The following TMX3 variants were observed in gnomAD, a reference collection of about 807,000 sequenced individuals.
TMX3 encodes the protein thioredoxin related transmembrane protein 3, also known as protein disulfide-isomerase TMX3.
A neutral mutation model predicts 64.4 loss-of-function variants in TMX3; 40 were observed. That is an observed-to-expected ratio of 0.62 (90% CI 0.48 to 0.81). The LOEUF (loss-of-function observed/expected upper bound fraction) is 0.81, where lower values mean the gene tolerates loss of function less well. Among genes scored for constraint, TMX3 ranks in the 30% least tolerant of loss-of-function variants. The pLI is 0.00. For synonymous variants in TMX3, 189 were observed against 175.7 expected (o/e 1.08, Z -0.60); for missense variants, 497 against 534.5 (o/e 0.93, Z 0.69).
chr18:68,693,871 G>C (rs780577664), intron 8 of TMX3, among the ~76,000 whole-genome samples: 6 of 152,052 alleles, frequency 3.9e-5, no homozygotes. Flanking sequence ...CAAGTGGATC[G>C]TGCCTTTTCC....
At chr18:68,698,233 A>C (rs1392956771) in intron 6 of TMX3, among the ~76,000 whole-genome samples, 2 of 152,234 alleles carry the variant, frequency 1.3e-5, no homozygotes, top group Non-Finnish European at 2.9e-5. Context: ...AGGTTAATAT[A>C]GTACCCACAA....
At chr18:68,694,384 C>T (rs111552754) in intron 8 of TMX3, among the ~76,000 whole-genome samples, 2 of 152,216 alleles carry the variant, frequency 1.3e-5, no homozygotes, top group African/African-American at 2.4e-5. Context: ...ACTTGCAGTA[C>T]ATCTGGTCCA....
chr18:68,686,432 T>C (rs1036203762), intron 10 of TMX3, among the ~76,000 whole-genome samples: 2 of 152,170 alleles, frequency 1.3e-5, no homozygotes, highest in African/African-American at 2.4e-5. Flanking sequence ...TCAAAAAGTC[T>C]GGGCACGGTG....
At position 68,714,901 on chromosome 18, in the gene TMX3, G is replaced by A. The variant is rs930525019; in HGVS notation, c.46+35C>T. 2.6e-6 allele frequency: 4 copies of A among 1,548,524 alleles called. No homozygotes were observed. In the African/African-American group the frequency reaches 4.1e-5, roughly 16 times the overall value. The stretch of plus-strand genomic sequence containing the variant: ...CCCACGGCGGGGCCAGGTCCCACGC[G>A]CCCGCCAGCGTCCCGACCGCTGAGC... On this transcript the variant is annotated intron_variant, in intron 1 of 15. Transcript: ENST00000299608.
chr18:68,676,388 A>G lies in TMX3; in HGVS notation c.*545T>C, dbSNP rs1311154176. On this transcript the variant is annotated 3_prime_UTR_variant, in exon 16 of 16. Coordinates refer to ENST00000299608, the MANE Select transcript of TMX3 (RefSeq NM_019022.5). The stretch of plus-strand genomic sequence containing the variant: ...TAACATTTCTTCTCCTTTAAAAATA[A>G]CTAACAAAATAAAACCACTATGCTA... 1 of 152,250 alleles carries G rather than the reference A, an allele frequency of 6.6e-6. No individual in the cohort carries two copies. The highest frequency in any genetic ancestry group is 2.4e-5 in the African/African-American group (1 of 41,440). The allele number at this position is 152,250 out of a possible 1,614,324, so 9.4% of individuals were successfully genotyped here. A position where few individuals can be genotyped will look rare whatever the true frequency, so the allele number is the denominator to read the frequency against.
At chr18:68,679,868 G>A (rs1913253851) in intron 14 of TMX3, among the ~76,000 whole-genome samples, 2 of 152,122 alleles carry the variant, frequency 1.3e-5, no homozygotes, top group African/African-American at 4.8e-5. Context: ...AGCTGCTGCA[G>A]GATACCTTTG....
chr18:68,686,143 G>A (rs575659314), intron 10 of TMX3, among the ~76,000 whole-genome samples: 52 of 152,224 alleles, frequency 3.4e-4, no homozygotes, highest in African/African-American at 1.3e-3. Flanking sequence ...AGCGTCAGGA[G>A]GCTGCTATGG....
At chr18:68,683,191 A>G (rs1913613156) in intron 12 of TMX3, among the ~76,000 whole-genome samples, 1 of 152,172 alleles carries the variant, frequency 6.6e-6, no homozygotes, top group African/African-American at 2.4e-5. Flanking sequence ...CTGAGATACA[A>G]ATACACGAGT....
chr18:68,679,614 C>A (rs957978596), intron 14 of TMX3, 83 bp from the exon 15 acceptor site: 4 of 1,189,992 alleles, frequency 3.4e-6, no homozygotes, highest in Non-Finnish European at 4.7e-6. Flanking sequence ...CAATTGCAGG[C>A]CAAATGGTTG....
rs901252202 is a variant in TMX3, at chr18:68,675,457, C to A, written c.*1476G>T. 3 of 152,074 alleles carry A rather than the reference C, an allele frequency of 2.0e-5. No homozygotes were observed. The highest frequency in any genetic ancestry group is 4.4e-5 in the Non-Finnish European group (3 of 67,996). 9.4% of individuals were successfully genotyped at this position (152,074 alleles called of 1,614,324 possible). ...TAGTAATTCCTTAGTACTTAAGATGCAAGTGTCCATACAGTCTTGATTAGT... is the reference window on the plus strand; with the variant it reads ...TAGTAATTCCTTAGTACTTAAGATGAAAGTGTCCATACAGTCTTGATTAGT... On this transcript the variant is annotated 3_prime_UTR_variant, in exon 16 of 16. Transcript: ENST00000299608.
At chr18:68,711,177 G>A (rs574911054) in intron 3 of TMX3, among the ~76,000 whole-genome samples, 187 bp downstream of exon 3, 177 of 151,974 alleles carry the variant, frequency 1.2e-3, no homozygotes, top group African/African-American at 4.0e-3. Context: ...ACGTTCCCTC[G>A]CATGGAACCT....
At chr18:68,711,962 C>T (rs953513679) in intron 2 of TMX3, among the ~76,000 whole-genome samples, 1 of 152,188 alleles carries the variant, frequency 6.6e-6, no homozygotes, top group South Asian at 2.1e-4. Context: ...TGGTCAGGCC[C>T]AACCTTTAAC....
intron 14 of TMX3, among the ~76,000 whole-genome samples, chr18:68,679,989 C>T (rs907286178): frequency 6.6e-6 from 1 of 152,088 alleles, no homozygotes; most frequent in Admixed American, 6.6e-5. Flanking sequence ...TGCAATCTGG[C>T]TCATTTTTTA....
intron 4 of TMX3, among the ~76,000 whole-genome samples, chr18:68,709,185 C>G (rs1482557394): frequency 6.6e-6 from 1 of 152,090 alleles, no homozygotes; most frequent in Non-Finnish European, 1.5e-5. Context: ...TGTTCAGAAA[C>G]TTTCTCAGTG....
intron 14 of TMX3, among the ~76,000 whole-genome samples, chr18:68,680,172 C>T (rs1913281634): frequency 6.6e-6 from 1 of 152,120 alleles, no homozygotes; most frequent in African/African-American, 2.4e-5. Flanking sequence ...TTCACCTTGA[C>T]CGAAAGTAGT....
At chr18:68,687,496 A>AT in intron 10 of TMX3, 171 bp downstream of exon 10, 1 of 985,346 alleles carries the variant, frequency 1.0e-6, no homozygotes, top group Non-Finnish European at 1.2e-6. Context: ...ATGCAAAGGT[A>AT]TATCTTCTGG....
rs1286962686 is a variant in TMX3 at position 68,694,444 on chromosome 18, G to T, written c.570+2782C>A. The stretch of plus-strand genomic sequence containing the variant: ...GCCTGGAGCTGCCTTCCCCGTGGCA[G>T]CCAGCATGCCTGGCTGTGCGCAGTG... On this transcript the variant is annotated intron_variant, in intron 8 of 15. Coordinates refer to ENST00000299608, the MANE Select transcript of TMX3 (RefSeq NM_019022.5). 1.6e-4 allele frequency among the ~76,000 whole-genome samples: 24 copies of T among 152,192 alleles called. 1 individual carries two copies. Among genetic ancestry groups the T allele is most frequent in the Admixed American group, 1.6e-3 (24 of 15,286 alleles).
At position 68,675,445 on chromosome 18, in the gene TMX3, G is replaced by T. The variant is rs1240669158; in HGVS notation, c.*1488C>A. On this transcript the variant is annotated 3_prime_UTR_variant, in exon 16 of 16. Coordinates refer to ENST00000299608, the MANE Select transcript of TMX3 (RefSeq NM_019022.5). ...TAAAACAATCACTAGTAATTCCTTA[G>T]TACTTAAGATGCAAGTGTCCATACA... 2.6e-5 allele frequency: 4 copies of T among 152,036 alleles called. No homozygotes were observed. The highest frequency in any genetic ancestry group is 9.7e-5 in the African/African-American group (4 of 41,408). The allele number at this position is 152,036 out of a possible 1,614,324, so 9.4% of individuals were successfully genotyped here. A position where few individuals can be genotyped will look rare whatever the true frequency, so the allele number is the denominator to read the frequency against.
chr18:68,679,411 TAAAG>T (rs776996483), intron 15 of TMX3, 48 bp downstream of exon 15: 32 of 1,468,200 alleles, frequency 2.2e-5, no homozygotes, highest in Non-Finnish European at 3.0e-5. Flanking sequence ...CAGCTAGACA[TAAAG>T]AACCTATATC....
Sources: allele counts gnomAD v4.1 joint callset (sites outside exome capture counted in the v4.1 genomes callset), GRCh38; gene constraint gnomAD v4.1.1; transcripts MANE v1.5; gene names NCBI Gene and HGNC (gene_info 2026-07-23, HGNC 2026-07-21).